Variants in C4orf51 observed in about 807,000 individuals in gnomAD.
C4orf51 encodes the protein uncharacterized protein C4orf51.
Under a neutral mutation model 25.2 loss-of-function variants are expected in C4orf51, and 25 were observed. The ratio of observed to expected loss-of-function variants is 0.99; its 90% CI spans 0.72 to 1.39. The LOEUF (loss-of-function observed/expected upper bound fraction) is 1.39. C4orf51 is among the 40% of genes most tolerant of loss of function. The pLI, the probability that C4orf51 is intolerant of heterozygous loss-of-function variation, is 0.00. For missense variants in C4orf51, 252 were observed against 239.6 expected (o/e 1.05, Z -0.34); for synonymous variants, 100 against 84.5 (o/e 1.18, Z -1.01).
chr4:145,726,177 A>G (rs1341814261), intron 2 of C4orf51, among the ~76,000 whole-genome samples: 1 of 152,198 alleles, frequency 6.6e-6, no homozygotes, highest in Non-Finnish European at 1.5e-5. Context: ...AAAAGATATT[A>G]TTCTTAATTG....
At chr4:145,708,326 G>A (rs962444739) in intron 2 of C4orf51, among the ~76,000 whole-genome samples, 1 of 152,192 alleles carries the variant, frequency 6.6e-6, no homozygotes, top group Non-Finnish European at 1.5e-5. Flanking sequence ...AAGCCAAATA[G>A]TATTACAAAG....
chr4:145,713,016 T>C (rs1317747756), intron 2 of C4orf51, among the ~76,000 whole-genome samples: 1 of 152,228 alleles, frequency 6.6e-6, no homozygotes, highest in African/African-American at 2.4e-5. Context: ...CACATCTGTT[T>C]ATGGCATGAC....
chr4:145,743,383 A>T (rs1377401203), intron 1 of C4orf51, among the ~76,000 whole-genome samples: 1 of 152,168 alleles, frequency 6.6e-6, no homozygotes, highest in Non-Finnish European at 1.5e-5. Context: ...TGGGAGGGCA[A>T]GAGAACACAT....
At chr4:145,741,700 C>G (rs1733108845) in intron 1 of C4orf51, among the ~76,000 whole-genome samples, 1 of 151,802 alleles carries the variant, frequency 6.6e-6, no homozygotes, top group Non-Finnish European at 1.5e-5. Context: ...CTTTTCTTTT[C>G]TTTTTTATTT....
chr4:145,775,868 C>T (rs1169951645), downstream of C4orf51: 1 of 1,614,192 alleles, frequency 6.2e-7, no homozygotes, highest in African/African-American at 1.3e-5. Context: ...TCTGTACTCA[C>T]CAGCTTCACG....
At chr4:145,690,638 C>T (rs1729492860) in intron 1 of C4orf51, among the ~76,000 whole-genome samples, 1 of 152,110 alleles carries the variant, frequency 6.6e-6, no homozygotes. Context: ...CAATTGGGAC[C>T]TCATTAAACC....
downstream of C4orf51, among the ~76,000 whole-genome samples, chr4:145,771,542 C>T (rs1301037729): frequency 5.3e-5 from 8 of 152,158 alleles, no homozygotes; most frequent in Non-Finnish European, 1.0e-4. Flanking sequence ...AAGTCACAAG[C>T]ACCAAAGGGG....
chr4:145,701,264 C>T (rs1162375925), intron 2 of C4orf51, among the ~76,000 whole-genome samples: 1 of 152,032 alleles, frequency 6.6e-6, no homozygotes, highest in African/African-American at 2.4e-5. Context: ...TCCTTGCCTC[C>T]ACTGTGAGAC....
At chr4:145,755,219 A>T (rs776181909), downstream of C4orf51, among the ~76,000 whole-genome samples, 1 of 152,230 alleles carries the variant, frequency 6.6e-6, no homozygotes, top group Admixed American at 6.5e-5. Context: ...GCCTCTTTTC[A>T]TAAGATGCTT....
downstream of C4orf51, among the ~76,000 whole-genome samples, chr4:145,755,808 A>C (rs1733906175): frequency 6.6e-6 from 1 of 152,224 alleles, no homozygotes; most frequent in Non-Finnish European, 1.5e-5. Context: ...TGTAAGCAAG[A>C]ATATTGGCTG....
intron 2 of C4orf51, among the ~76,000 whole-genome samples, chr4:145,700,851 T>G (rs1730390152): frequency 1.3e-5 from 2 of 152,100 alleles, no homozygotes; most frequent in East Asian, 3.9e-4. Context: ...CCTGTAATCT[T>G]TTTATCGCCT....
At chr4:145,746,933 G>C (rs1471005718) in intron 1 of C4orf51, among the ~76,000 whole-genome samples, 1 of 151,812 alleles carries the variant, frequency 6.6e-6, no homozygotes, top group Non-Finnish European at 1.5e-5. Flanking sequence ...TCACTTCTTT[G>C]ATTAATTTCT....
At chr4:145,743,782 G>A (rs1229578152) in intron 1 of C4orf51, among the ~76,000 whole-genome samples, 1 of 152,130 alleles carries the variant, frequency 6.6e-6, no homozygotes, top group Non-Finnish European at 1.5e-5. Context: ...TAATCTTCTA[G>A]CACAACAGAA....
chr4:145,720,953 T>C (rs1175361540), intron 2 of C4orf51, among the ~76,000 whole-genome samples: 2 of 152,216 alleles, frequency 1.3e-5, no homozygotes, highest in Non-Finnish European at 2.9e-5. Context: ...GCGTGAGCTG[T>C]CATGGCAGAG....
At chr4:145,721,111 C>T (rs1262985329) in intron 2 of C4orf51, among the ~76,000 whole-genome samples, 2 of 152,038 alleles carry the variant, frequency 1.3e-5, no homozygotes, top group Non-Finnish European at 2.9e-5. Context: ...CTTTGGGAGG[C>T]TGAGGTGGGC....
At position 145,729,217 on chromosome 4, in the gene C4orf51, T is replaced by A; in HGVS notation, c.415T>A (p.Tyr139Asn). 1 of 1,606,310 alleles carries A rather than the reference T, an allele frequency of 6.2e-7. No homozygotes were observed. Among genetic ancestry groups the A allele is most frequent in the Non-Finnish European group, 8.5e-7 (1 of 1,174,290 alleles). ...TGATTGTTTTCCGACACCTCCAAAT[T>A]ATGGAAAATACTGTAAGTCCCATCC... ...FGDCFPTPPN[Y>N]GKYCVRPKKP... Residue 139 changes from tyrosine to asparagine, a missense_variant, in exon 4 of 6, where the codon TAT (tyrosine) becomes AAT (asparagine). Physicochemically the swap from Tyr to Asn is moderately radical, Grantham distance 143. Transcript: ENST00000438731.
downstream of C4orf51, among the ~76,000 whole-genome samples, chr4:145,735,678 T>A (rs1732766379): frequency 6.6e-6 from 1 of 152,364 alleles, no homozygotes; most frequent in South Asian, 2.1e-4. Context: ...AGCAGCCCTA[T>A]GGAACAGGGA....
At chr4:145,724,880 C>CAAAAAAAAAAAAAAA (rs1222983724) in intron 2 of C4orf51, among the ~76,000 whole-genome samples, 10 of 68,316 alleles carry the variant, frequency 1.5e-4, no homozygotes, top group Non-Finnish European at 1.9e-4. Context: ...AAGACTGTCT[C>CAAAAAAAAAAAAAAA]AAAAAAAAAA....
At chr4:145,703,479 G>C (rs1351741076) in intron 2 of C4orf51, among the ~76,000 whole-genome samples, 6 of 152,116 alleles carry the variant, frequency 3.9e-5, no homozygotes, top group Non-Finnish European at 8.8e-5. Flanking sequence ...CCTGTTTGGT[G>C]GTCTCTTCAC....
Sources: allele counts gnomAD v4.1 joint callset (sites outside exome capture counted in the v4.1 genomes callset), GRCh38; gene constraint gnomAD v4.1.1; transcripts MANE v1.5; gene names NCBI Gene and HGNC (gene_info 2026-07-23, HGNC 2026-07-21).